Variants in ANKHD1 observed in about 807,000 individuals in gnomAD.
ANKHD1 encodes the protein ankyrin repeat and KH domain containing 1.
In ANKHD1, 31 loss-of-function variants were observed where a neutral mutation model predicts 230.5. The ratio of observed to expected loss-of-function variants is 0.13; its 90% CI spans 0.10 to 0.18. ANKHD1 has a LOEUF of 0.18. ANKHD1 is among the 10% of genes least tolerant of loss of function. The probability of loss-of-function intolerance (pLI) is 1.00; values close to 1 mark genes in which losing one functional copy is unlikely to be tolerated. For synonymous variants in ANKHD1, 1,074 were observed against 1,117.6 expected (o/e 0.96, Z 0.78); for missense variants, 2,256 against 3,071.3 (o/e 0.73, Z 6.27).
chr5:140,417,049 A>G (rs1452075622), intron 1 of ANKHD1, among the ~76,000 whole-genome samples: 1 of 152,170 alleles, frequency 6.6e-6, no homozygotes, highest in Non-Finnish European at 1.5e-5. Flanking sequence ...AGAGGCTGCC[A>G]GACTCAGTCA....
intron 10 of ANKHD1, among the ~76,000 whole-genome samples, chr5:140,476,744 TACAAGAA>T (rs950358748): frequency 5.9e-5 from 9 of 152,266 alleles, no homozygotes; most frequent in Admixed American, 3.9e-4. Context: ...AGGCGTGGGA[TACAAGAA>T]ACTACGGTAA....
intron 1 of ANKHD1, among the ~76,000 whole-genome samples, chr5:140,432,125 A>G (rs933805832): frequency 1.8e-4 from 27 of 152,234 alleles, no homozygotes; most frequent in Non-Finnish European, 1.2e-4. Flanking sequence ...ATAGCATTTT[A>G]AAGTCTACAT....
chr5:140,446,198 TG>T (rs1774265382), intron 6 of ANKHD1, among the ~76,000 whole-genome samples: 2 of 152,172 alleles, frequency 1.3e-5, no homozygotes, highest in African/African-American at 2.4e-5. Flanking sequence ...TTGGGTTAAC[TG>T]TGAAGTTAAC....
At chr5:140,518,154 A>C (rs28810134) in intron 24 of ANKHD1, among the ~76,000 whole-genome samples, 2,134 of 152,336 alleles carry the variant, frequency 0.014, 48 homozygotes, top group African/African-American at 0.048. Context: ...AGAATACTAC[A>C]AACACCTCTA....
chr5:140,539,052 A>G lies in ANKHD1; in HGVS notation c.7538A>G (p.Gln2513Arg). ...PAWNPMIKVI[Q>R]NSTECTDAQQ... ...TGGAACCCTATGATAAAAGTTATCC[A>G]AAATTCAACTGAATGCACTGATGCC... is the stretch of plus-strand genomic sequence containing the variant. Residue 2513 changes from glutamine (Q) to arginine (R), a missense_variant, in exon 33 of 34, where the codon CAA becomes CGA. Gln to Arg is a conservative substitution (Grantham distance 43, BLOSUM62 1). Coordinates refer to ENST00000360839, the MANE Select transcript of ANKHD1 (RefSeq NM_017747.3). 1 of 1,611,840 alleles carries G rather than the reference A, an allele frequency of 6.2e-7. No homozygotes were observed. The highest frequency in any genetic ancestry group is 8.5e-7 in the Non-Finnish European group (1 of 1,179,136).
rs535559311 is a variant in ANKHD1, at chr5:140,538,162, C to G, written c.7305C>G (p.Phe2435Leu). The G allele has an allele frequency of 5.9e-5, 95 of 1,614,218 alleles. No individual in the cohort carries two copies. The South Asian group carries it at 8.8e-4, about 15-fold the overall frequency. ...MHQQLSDPST[F>L]SQHQPMERDD... is the part of the protein sequence containing the mutation. Reference sequence around the variant, plus strand: ...AACAATTATCAGACCCAAGCACATTCTCCCAACATCAGCCAATGGAGAGAG... The same window carrying G: ...AACAATTATCAGACCCAAGCACATTGTCCCAACATCAGCCAATGGAGAGAG... Residue 2435 changes from phenylalanine (F) to leucine (L), a missense_variant, in exon 32 of 34, where the codon TTC becomes TTG. Physicochemically the swap from Phe to Leu is conservative, Grantham distance 22. This residue lies in a region of ANKHD1 where 778 missense variants were observed against 966.5 expected (regional missense o/e 0.80). Coordinates refer to ENST00000360839, the MANE Select transcript of ANKHD1 (RefSeq NM_017747.3).
intron 10 of ANKHD1, among the ~76,000 whole-genome samples, chr5:140,466,417 A>T (rs1209078985): frequency 6.6e-6 from 1 of 151,932 alleles, no homozygotes; most frequent in Non-Finnish European, 1.5e-5. Flanking sequence ...GAAAAAAATT[A>T]AATAGGATAA....
At chr5:140,503,465 C>T (rs1363883481) in intron 15 of ANKHD1, among the ~76,000 whole-genome samples, 1 of 151,152 alleles carries the variant, frequency 6.6e-6, no homozygotes, top group African/African-American at 2.4e-5. Flanking sequence ...GGTCCTGTTT[C>T]CCCCCGTGGT....
chr5:140,495,315 G>T (rs912066424), intron 14 of ANKHD1, among the ~76,000 whole-genome samples: 4 of 149,708 alleles, frequency 2.7e-5, no homozygotes, highest in Admixed American at 2.0e-4. Context: ...GCGCAATCTC[G>T]GCTCACTGCA....
intron 1 of ANKHD1, among the ~76,000 whole-genome samples, chr5:140,432,856 A>G (rs898592538): frequency 2.6e-5 from 4 of 152,142 alleles, no homozygotes; most frequent in African/African-American, 7.2e-5. Flanking sequence ...GTTTTATGCC[A>G]TGACGCTAGG....
At chr5:140,448,864 A>C (rs1561738365) in intron 6 of ANKHD1, among the ~76,000 whole-genome samples, 1 of 152,314 alleles carries the variant, frequency 6.6e-6, no homozygotes, top group East Asian at 1.9e-4. Context: ...TTTTTCTGGA[A>C]TATATGATGC....
At chr5:140,416,078 G>A (rs1486720469) in intron 1 of ANKHD1, among the ~76,000 whole-genome samples, 1 of 152,092 alleles carries the variant, frequency 6.6e-6, no homozygotes, top group African/African-American at 2.4e-5. Context: ...CAGAATGATG[G>A]TTTCCAGCTT....
At chr5:140,436,901 C>T (rs1773489912) in intron 2 of ANKHD1, among the ~76,000 whole-genome samples, 1 of 152,154 alleles carries the variant, frequency 6.6e-6, no homozygotes, top group African/African-American at 2.4e-5. Flanking sequence ...CTTGTGTATT[C>T]ACTTTAATCT....
chr5:140,535,516 T>C lies in ANKHD1; in HGVS notation c.7005T>C (p.Pro2335=), dbSNP rs768385105. Residue 2335 remains proline, a synonymous_variant, in exon 30 of 34, where the codon CCT becomes CCC. Coordinates refer to ENST00000360839, the MANE Select transcript of ANKHD1 (RefSeq NM_017747.3). The stretch of plus-strand genomic sequence containing the variant: ...ACAGACAACATTTTTCTCCCCATCC[T>C]TGGACAAGCGCCTCAAACTCATGTA... ...SFNRQHFSPH[P]WTSASNSSTS... is the part of the protein sequence containing the mutation. 6 of 1,609,424 alleles carry C rather than the reference T, an allele frequency of 3.7e-6. No individual in the cohort carries two copies. The highest frequency in any genetic ancestry group is 4.2e-6 in the Non-Finnish European group (5 of 1,178,520).
At chr5:140,411,834 T>A (rs1396245598) in intron 1 of ANKHD1, among the ~76,000 whole-genome samples, 2 of 144,418 alleles carry the variant, frequency 1.4e-5, no homozygotes, top group African/African-American at 2.5e-5. Flanking sequence ...TTTTTTTAAA[T>A]TTTTTTTTTT....
intron 1 of ANKHD1, among the ~76,000 whole-genome samples, chr5:140,414,271 C>T (rs760467723): frequency 6.6e-6 from 1 of 152,174 alleles, no homozygotes; most frequent in Admixed American, 6.5e-5. Flanking sequence ...AACTGCAATA[C>T]TGTGTTCTAT....
Position 140,535,345 on chromosome 5 carries a change from G to A in ANKHD1, c.6851-17G>A. The A allele has an allele frequency of 1.9e-6, 3 of 1,567,758 alleles. No individual in the cohort carries two copies. The highest frequency in any genetic ancestry group is 2.6e-6 in the Non-Finnish European group (3 of 1,161,294). ...AAGTTTTAGCTAATTGGATGTCTTG[G>A]ACCTGTTTTATTTCAGGGTTACCAT... is the stretch of plus-strand genomic sequence containing the variant. On this transcript the variant is annotated splice_polypyrimidine_tract_variant and intron_variant, in intron 29 of 33. Transcript: ENST00000360839.
intron 1 of ANKHD1, among the ~76,000 whole-genome samples, chr5:140,422,080 G>A (rs141122765): frequency 3.4e-4 from 52 of 152,242 alleles, no homozygotes; most frequent in African/African-American, 1.2e-3. Flanking sequence ...GTCCTTTAAA[G>A]GTTAGAGTCC....
At position 140,459,221 on chromosome 5, in the gene ANKHD1, G is replaced by C. The variant is rs1371461589; in HGVS notation, c.1538G>C (p.Cys513Ser). 1 of 1,601,944 alleles carries C rather than the reference G, an allele frequency of 6.2e-7. No individual in the cohort carries two copies. The highest frequency in any genetic ancestry group is 1.7e-5 in the Admixed American group (1 of 59,652). Residue 513 changes from cysteine (C) to serine (S), a missense_variant, in exon 9 of 34, where the codon TGC becomes TCC. Transcript: ENST00000360839. ...ETQETALTLA[C>S]CGGFSEVADF... is the part of the protein sequence containing the mutation. ...CAAGAAACTGCTCTTACTTTGGCTT[G>C]CTGTGGAGGATTTTCTGAAGTTGCA...
Sources: allele counts gnomAD v4.1 joint callset (sites outside exome capture counted in the v4.1 genomes callset), GRCh38; gene constraint gnomAD v4.1.1; regional missense constraint gnomAD v4.1.1; transcripts MANE v1.5; gene names NCBI Gene and HGNC (gene_info 2026-07-23, HGNC 2026-07-21).